Variants in CFAP65 observed in about 807,000 individuals in gnomAD.
CFAP65 encodes the protein cilia and flagella associated protein 65.
A neutral mutation model predicts 208.0 loss-of-function variants in CFAP65; 155 were observed. The ratio of observed to expected loss-of-function variants is 0.75; its 90% CI spans 0.65 to 0.85. The LOEUF (loss-of-function observed/expected upper bound fraction) is 0.85. Among genes scored for constraint, CFAP65 ranks in the 40% least tolerant of loss-of-function variants. The probability of loss-of-function intolerance (pLI) is 0.00; values close to 1 mark genes in which losing one functional copy is unlikely to be tolerated. For synonymous variants in CFAP65, 970 were observed against 986.3 expected, an observed-to-expected ratio of 0.98 and a Z score of 0.31; for missense variants, 2,294 against 2,451.3, an observed-to-expected ratio of 0.94 and a Z score of 1.36.
At position 219,010,948 on chromosome 2, in the gene CFAP65, G is replaced by A. The variant is rs1946433415; in HGVS notation, c.4006C>T (p.Gln1336Ter). The A allele has an allele frequency of 1.9e-6, 3 of 1,613,700 alleles. No homozygotes were observed. Among genetic ancestry groups the A allele is most frequent in the African/African-American group, 2.7e-5 (2 of 74,952 alleles). Residue 1336 changes from glutamine to a stop codon, truncating the protein, a stop_gained, in exon 25 of 35, where the codon CAG becomes TAG. Transcript: ENST00000341552. LOFTEE classifies it high-confidence loss of function. ...GGSVPVTYEV[Q>*]TDVLSQVQEK... ...TGAACCTGTGACAGGACATCGGTCT[G>A]GACCTCATATGTCACGGGCACTGAG... is the stretch of plus-strand genomic sequence containing the variant.
intron 16 of CFAP65, 82 bp from the exon 17 acceptor site, chr2:219,022,411 G>T: frequency 6.7e-7 from 1 of 1,485,634 alleles, no homozygotes; most frequent in Non-Finnish European, 9.2e-7. Flanking sequence ...CCATGGCAGG[G>T]CGTCATGCTA....
Position 219,035,584 on chromosome 2 carries a change from C to G in CFAP65, c.438G>C (p.Glu146Asp). The G allele has an allele frequency of 6.2e-7, 1 of 1,614,082 alleles. No individual in the cohort carries two copies. The highest frequency in any genetic ancestry group is 1.7e-5 in the Admixed American group (1 of 60,020). Residue 146 changes from glutamate (E) to aspartate (D), a missense_variant, in exon 5 of 35, where the codon GAG (glutamate) becomes GAC (aspartate). This residue lies in a region of CFAP65 where 867 missense variants were observed against 1,012.6 expected (regional missense o/e 0.86). Coordinates refer to ENST00000341552, the MANE Select transcript of CFAP65 (RefSeq NM_194302.4). ...CTTTCCAATGCAGCTCCTCAGCCAC[C>G]TCAATGCCCCAGATGACCCTCTTGT... ...RVNKRVIWGI[E>D]VAEELHWKGW... is the part of the protein sequence containing the mutation.
At chr2:219,022,077 C>T (rs1559139051) in intron 17 of CFAP65, 94 bp downstream of exon 17, 1 of 1,516,168 alleles carries the variant, frequency 6.6e-7, no homozygotes, top group Non-Finnish European at 8.9e-7. Context: ...CCCTCTTGGC[C>T]TTCCCTCCCA....
rs765855481 is a variant in CFAP65, at chr2:219,004,360, G to A, written c.5147C>T (p.Thr1716Ile). ...GCTGTTTTTCTGGTCCATGAACTTA[G>A]TTGACTGCTCATTCCAGAATTGGCG... ...YFRQFWNEQS[T>I]KFMDQKNSLY... Residue 1716 changes from threonine to isoleucine, a missense_variant, in exon 33 of 35, where the codon ACT becomes ATT. Physicochemically the swap from Thr to Ile is moderately conservative, Grantham distance 89 (BLOSUM62 -1). Coordinates refer to ENST00000341552, the MANE Select transcript of CFAP65 (RefSeq NM_194302.4). The surrounding 1 kb of genome is among the most constrained non-coding windows in gnomAD (Gnocchi z 4.7). 15 of 1,614,010 alleles carry A rather than the reference G, an allele frequency of 9.3e-6. No individual in the cohort carries two copies. The East Asian group carries it at 3.3e-4, about 36-fold the overall frequency.
At chr2:219,017,383 C>T (rs1395748727) in intron 21 of CFAP65, among the ~76,000 whole-genome samples, 2 of 152,232 alleles carry the variant, frequency 1.3e-5, no homozygotes, top group African/African-American at 4.8e-5. Flanking sequence ...CCCCCTCCCA[C>T]TTGGGGTTCC....
At position 219,003,906 on chromosome 2, in the gene CFAP65, C is replaced by T; in HGVS notation, c.5555+46G>A. 1 of 1,573,796 alleles carries T rather than the reference C, an allele frequency of 6.4e-7. No homozygotes were observed. Among genetic ancestry groups the T allele is most frequent in the Non-Finnish European group, 8.6e-7 (1 of 1,158,184 alleles). On this transcript the variant is annotated intron_variant, in intron 33 of 34. Coordinates refer to ENST00000341552, the MANE Select transcript of CFAP65 (RefSeq NM_194302.4). The surrounding 1 kb of genome is among the most constrained non-coding windows in gnomAD (Gnocchi z 4.4). ...CATCCCACTGCCTCCTAGGAACCTT[C>T]TGCACTTCGCCTCCCTCCCGTCCTC...
At position 219,031,798 on chromosome 2, in the gene CFAP65, G is replaced by C; in HGVS notation, c.646-140C>G. The C allele has an allele frequency of 2.1e-6, 2 of 935,546 alleles. No homozygotes were observed. Among genetic ancestry groups the C allele is most frequent in the East Asian group, 5.3e-5 (2 of 37,982 alleles). 58.0% of individuals were successfully genotyped at this position (935,546 alleles called of 1,614,324 possible). Reference sequence around the variant, plus strand: ...GCACCCACGTCAGACTCTGAGGGGAGCTGGGCACCTATGTTGTCTTGGTCT... The same window carrying C: ...GCACCCACGTCAGACTCTGAGGGGACCTGGGCACCTATGTTGTCTTGGTCT... On this transcript the variant is annotated intron_variant, in intron 6 of 34. Transcript: ENST00000341552. This position sits in a 1 kb window ranked among gnomAD's most constrained non-coding sequence, Gnocchi z 5.2.
At position 219,003,952 on chromosome 2, in the gene CFAP65, C is replaced by G; in HGVS notation, c.5555G>C (p.Arg1852Thr). The G allele has an allele frequency of 6.2e-7, 1 of 1,609,090 alleles. No homozygotes were observed. Among genetic ancestry groups the G allele is most frequent in the East Asian group, 2.2e-5 (1 of 44,824 alleles). The change falls in exon 33 of 35, where the codon AGG becomes ACG. Residue 1852 changes from arginine (R) to threonine (T), a missense_variant and splice_region_variant. By Grantham distance (71) the Arg-to-Thr change is moderately conservative (BLOSUM62 -1). Transcript: ENST00000341552. This position sits in a 1 kb window ranked among gnomAD's most constrained non-coding sequence, Gnocchi z 4.4. ...QEQDEKEAIR[R>T]LPAFANLQEA... The stretch of plus-strand genomic sequence containing the variant: ...TCCTCACTGGGGCCTGGCTGCTCAC[C>G]TTCTGATGGCCTCCTTCTCGTCCTG...
chr2:219,018,983 C>G (rs989901253), intron 21 of CFAP65, 68 bp downstream of exon 21: 3 of 1,603,482 alleles, frequency 1.9e-6, no homozygotes, highest in Non-Finnish European at 2.6e-6. Context: ...GAGAGTGCAG[C>G]TCTTGTTCTC....
rs1387605583 is a variant in CFAP65, at chr2:219,030,216, G to T, written c.1162-8C>A. 3 of 1,613,170 alleles carry T rather than the reference G, an allele frequency of 1.9e-6. No homozygotes were observed. The highest frequency in any genetic ancestry group is 3.3e-5 in the Admixed American group (2 of 59,996). On this transcript the variant is annotated splice_region_variant and splice_polypyrimidine_tract_variant and intron_variant, in intron 9 of 34. Transcript: ENST00000341552. ...CCTGAAGGGGGCATTTACCTGTGTG[G>T]CCAAGCAGAAGGACAAAGGGTCAGG... is the stretch of plus-strand genomic sequence containing the variant.
chr2:219,028,401 C>T lies in CFAP65; in HGVS notation c.1651G>A (p.Asp551Asn), dbSNP rs1559150856. Residue 551 changes from aspartate to asparagine, a missense_variant and splice_region_variant, in exon 12 of 35, where the codon GAC becomes AAC. By Grantham distance (23) the Asp-to-Asn change is conservative. This residue lies in a region of CFAP65 where 867 missense variants were observed against 1,012.6 expected (regional missense o/e 0.86). Transcript: ENST00000341552. ...RRVACLIHHQ[D>N]PLFLDLMGTC... ...CCCATCAGGTCCAGGAACAGTGGGTCCTGTGACATTTGTCTGTGTGTGGTG... is the reference window on the plus strand; with the variant it reads ...CCCATCAGGTCCAGGAACAGTGGGTTCTGTGACATTTGTCTGTGTGTGGTG... 2.5e-6 allele frequency: 4 copies of T among 1,612,352 alleles called. No homozygotes were observed. The highest frequency in any genetic ancestry group is 3.4e-6 in the Non-Finnish European group (4 of 1,179,846).
chr2:219,014,010 C>T lies in CFAP65; in HGVS notation c.3637G>A (p.Val1213Met), dbSNP rs149988134. The T allele has an allele frequency of 2.2e-4, 354 of 1,612,812 alleles. No homozygotes were observed. Among genetic ancestry groups the T allele is most frequent in the Non-Finnish European group, 2.7e-4 (317 of 1,179,420 alleles). Residue 1213 changes from valine (V) to methionine (M), a missense_variant, in exon 22 of 35, where the codon GTG (valine) becomes ATG (methionine). By Grantham distance (21) the Val-to-Met change is conservative. This residue lies in a region of CFAP65 where 1,427 missense variants were observed against 1,438.7 expected (regional missense o/e 0.99). Coordinates refer to ENST00000341552, the MANE Select transcript of CFAP65 (RefSeq NM_194302.4). ...FLLPSDQRIDVELWAEQAELN... is the reference protein window; with the variant it reads ...FLLPSDQRIDMELWAEQAELN... ...TCTGCTTGCTCTGCCCAGAGCTCCA[C>T]GTCAATCCGCTGGTCACTTGGAAGG...
intron 19 of CFAP65, among the ~76,000 whole-genome samples, chr2:219,020,026 C>A (rs2106164019): frequency 6.6e-6 from 1 of 151,732 alleles, no homozygotes; most frequent in African/African-American, 2.4e-5. Flanking sequence ...GGTAATTTAC[C>A]CTTTTAACAC....
chr2:219,027,914 CG>C lies in CFAP65; in HGVS notation c.1946del (p.Pro649ArgfsTer5). On this transcript the variant is annotated frameshift_variant, in exon 13 of 35. Coordinates refer to ENST00000341552, the MANE Select transcript of CFAP65 (RefSeq NM_194302.4). LOFTEE classifies it high-confidence loss of function. The part of the protein sequence containing the change: ...DGTSDITIFP[P>X]PISVEPVEVD... ...CCTCGACAGGCTCTACACTGATGGG[CG>C]GGGGGAAGATGGTTATGTCGCTGGT... The C allele has an allele frequency of 6.6e-7, 1 of 1,524,158 alleles. No homozygotes were observed. 94.4% of individuals were successfully genotyped at this position (1,524,158 alleles called of 1,614,324 possible).
Position 219,028,275 on chromosome 2 carries a change from C to G in CFAP65, c.1777G>C (p.Asp593His), listed in dbSNP as rs773142570. The G allele has an allele frequency of 1.9e-6, 3 of 1,614,042 alleles. No individual in the cohort carries two copies. The African/African-American group carries it at 4.0e-5, about 22-fold the overall frequency. The change falls in exon 12 of 35, where the codon GAC (aspartate) becomes CAC (histidine). Residue 593 changes from aspartate to histidine, a missense_variant. This residue lies in a region of CFAP65 where 867 missense variants were observed against 1,012.6 expected (regional missense o/e 0.86). Coordinates refer to ENST00000341552, the MANE Select transcript of CFAP65 (RefSeq NM_194302.4). Reference protein sequence around the residue: ...LARGLTLYPPDILDAMLKEKK... With the variant: ...LARGLTLYPPHILDAMLKEKK... Reference sequence around the variant, plus strand: ...TCCTTCAGCATGGCATCCAGGATGTCAGGGGGGTAGAGCGTCAGGCCCCGG... The same window carrying G: ...TCCTTCAGCATGGCATCCAGGATGTGAGGGGGGTAGAGCGTCAGGCCCCGG...
intron 21 of CFAP65, 65 bp from the exon 22 acceptor site, chr2:219,014,109 G>A: frequency 2.8e-6 from 4 of 1,440,216 alleles, no homozygotes; most frequent in South Asian, 1.4e-5. Flanking sequence ...CAGGGGCTCT[G>A]AGACCCTGAT....
chr2:219,024,471 G>GGGAGAT lies in CFAP65; in HGVS notation c.2350-212_2350-211insATCTCC. ...TTTGTTCTCCAGAGACCTCCAGAAA[G>GGGAGAT]GGGCGGGGGGGGGGCAGGGGGGCGG... On this transcript the variant is annotated intron_variant, in intron 14 of 34. Coordinates refer to ENST00000341552, the MANE Select transcript of CFAP65 (RefSeq NM_194302.4). 1.2e-3 allele frequency among the ~76,000 whole-genome samples: 152 copies of GGGAGAT among 123,988 alleles called. 4 individuals are homozygous for GGGAGAT. Among genetic ancestry groups the GGGAGAT allele is most frequent in the African/African-American group, 5.3e-3 (145 of 27,518 alleles). The allele number at this position is 123,988 out of a possible 152,430, so 81.3% of individuals were successfully genotyped here. A position where few individuals can be genotyped will look rare whatever the true frequency, so the allele number is the denominator to read the frequency against.
At chr2:219,006,606 G>T in intron 29 of CFAP65, 97 bp from the exon 30 acceptor site, 1 of 1,204,690 alleles carries the variant, frequency 8.3e-7, no homozygotes, top group Non-Finnish European at 1.2e-6. Flanking sequence ...GGCCAAGGCG[G>T]GCGGATCACC....
In CFAP65 at chr2:219,004,441, T is replaced by C; in HGVS notation, c.5066A>G (p.Asp1689Gly). Residue 1689 changes from aspartate to glycine, a missense_variant, in exon 33 of 35, where the codon GAC (aspartate) becomes GGC (glycine). Asp to Gly is a moderately conservative substitution (Grantham distance 94). This residue lies in a region of CFAP65 where 1,427 missense variants were observed against 1,438.7 expected (regional missense o/e 0.99). Coordinates refer to ENST00000341552, the MANE Select transcript of CFAP65 (RefSeq NM_194302.4). This position sits in a 1 kb window ranked among gnomAD's most constrained non-coding sequence, Gnocchi z 4.7. The stretch of plus-strand genomic sequence containing the variant: ...GTCCACAGCCTCATGGAAGTTCTTG[T>C]CTTCCAGCAGGCCCCTAGGTGGCAG... ...LTTIIRGLLE[D>G]KNFHEAVDQS... The C allele has an allele frequency of 1.2e-6, 2 of 1,609,602 alleles. No homozygotes were observed. Among genetic ancestry groups the C allele is most frequent in the African/African-American group, 2.7e-5 (2 of 74,990 alleles).
Sources: gnomAD v4.1 joint callset for allele counts (sites outside exome capture counted in the v4.1 genomes callset) on GRCh38, gnomAD v4.1.1 for gene constraint, gnomAD v4.1.1 regional missense constraint, Gnocchi (gnomAD v3.1) non-coding constraint, MANE v1.5 for transcripts, NCBI Gene and HGNC (gene_info 2026-07-23, HGNC 2026-07-21) for gene names.